The following KAZN variants were observed in gnomAD, a reference collection of about 807,000 sequenced individuals.
The protein encoded by KAZN is kazrin, periplakin interacting protein.
Under a neutral mutation model 87.4 loss-of-function variants are expected in KAZN, and 40 were observed. The ratio of observed to expected loss-of-function variants is 0.46; its 90% CI spans 0.36 to 0.60. The LOEUF is 0.60. Ranked by LOEUF, KAZN falls within the 20% of genes least tolerant of loss-of-function variation. KAZN has a pLI of 0.00. For missense variants in KAZN, 898 were observed against 1,073.9 expected (o/e 0.84, Z 2.29); for synonymous variants, 466 against 458.3 (o/e 1.02, Z -0.22).
intron 1 of KAZN, among the ~76,000 whole-genome samples, chr1:14,050,789 G>A (rs1642295709): frequency 6.6e-6 from 1 of 152,168 alleles, no homozygotes; most frequent in African/African-American, 2.4e-5. Flanking sequence ...CCAGTGCTGA[G>A]GACCCGGCCC....
At chr1:14,311,618 T>C (rs953624767) in intron 2 of KAZN, among the ~76,000 whole-genome samples, 7 of 152,148 alleles carry the variant, frequency 4.6e-5, no homozygotes, top group Admixed American at 3.9e-4. Context: ...TTCTGAGACA[T>C]GACTGACTCT....
In KAZN at chr1:14,612,692, G is replaced by A. The variant is rs1003007744; in HGVS notation, c.226+13469G>A. Among the ~76,000 whole-genome samples, 5 of 152,118 alleles carry A rather than the reference G, an allele frequency of 3.3e-5. No homozygotes were observed. The East Asian group carries it at 5.8e-4, about 18-fold the overall frequency. On this transcript the variant is annotated intron_variant, in intron 1 of 14. Coordinates refer to ENST00000376030, the MANE Select transcript of KAZN (RefSeq NM_201628.3). ...CCAGATAATTCTTTGTTGTGGGGGC[G>A]GGGGTCTGTCCTGTGCATTTTAGGA...
chr1:15,023,151 A>G (rs914701249), intron 2 of KAZN, among the ~76,000 whole-genome samples: 3 of 152,178 alleles, frequency 2.0e-5, no homozygotes, highest in Non-Finnish European at 4.4e-5. Context: ...GGGCAAGGCC[A>G]TGATCACGCT....
intron 1 of KAZN, among the ~76,000 whole-genome samples, chr1:14,081,823 G>T (rs1014410171): frequency 5.3e-5 from 8 of 152,136 alleles, no homozygotes; most frequent in Non-Finnish European, 1.2e-4. Context: ...TCCAATCAAG[G>T]CTTACTGCAG....
chr1:14,707,038 TG>T (rs1359957842), intron 1 of KAZN, among the ~76,000 whole-genome samples: 6 of 152,320 alleles, frequency 3.9e-5, no homozygotes, highest in Admixed American at 2.6e-4. Flanking sequence ...ACAGATGGCT[TG>T]GTGTATTCTA....
intron 1 of KAZN, among the ~76,000 whole-genome samples, chr1:14,774,355 C>T (rs1199577882): frequency 6.6e-6 from 1 of 152,154 alleles, no homozygotes. Flanking sequence ...TCCCAGTGCC[C>T]TGAACATACA....
intron 2 of KAZN, among the ~76,000 whole-genome samples, chr1:14,323,054 T>C (rs1656155575): frequency 6.6e-6 from 1 of 152,058 alleles, no homozygotes; most frequent in African/African-American, 2.4e-5. Flanking sequence ...AACCATTAGA[T>C]CTCATGAGAA....
At chr1:14,085,474 A>G (rs1401474307) in intron 1 of KAZN, among the ~76,000 whole-genome samples, 1 of 152,056 alleles carries the variant, frequency 6.6e-6, no homozygotes, top group Non-Finnish European at 1.5e-5. Context: ...GCTTTCTGTC[A>G]CTATAGTTTT....
chr1:13,920,630 A>G (rs1570280249), intron 1 of KAZN, among the ~76,000 whole-genome samples: 1 of 151,902 alleles, frequency 6.6e-6, no homozygotes. Flanking sequence ...CTTACAAAGG[A>G]TATTTAAGGG....
intron 2 of KAZN, among the ~76,000 whole-genome samples, chr1:14,221,345 CT>C (rs893833947): frequency 1.2e-4 from 19 of 152,120 alleles, no homozygotes; most frequent in Non-Finnish European, 2.5e-4. Flanking sequence ...GTCCCTGCCC[CT>C]GGAGTCTTCT....
chr1:14,914,205 G>T (rs183676892), intron 1 of KAZN, among the ~76,000 whole-genome samples: 5 of 152,354 alleles, frequency 3.3e-5, no homozygotes, highest in Non-Finnish European at 7.3e-5. Context: ...ATGCTCAGGA[G>T]AGATGCTGCT....
chr1:14,083,563 G>A (rs923851919), intron 1 of KAZN, among the ~76,000 whole-genome samples: 1 of 152,224 alleles, frequency 6.6e-6, no homozygotes, highest in Non-Finnish European at 1.5e-5. Context: ...CTATACATAA[G>A]AGCTGATGCT....
At chr1:14,551,204 C>A (rs1003185512) in intron 2 of KAZN, among the ~76,000 whole-genome samples, 8 of 152,158 alleles carry the variant, frequency 5.3e-5, no homozygotes, top group Non-Finnish European at 8.8e-5. Context: ...TTCACTAAAC[C>A]CACCTCTGCA....
chr1:14,394,844 A>G lies in KAZN; in HGVS notation c.250-204139A>G, dbSNP rs369184534. Among the ~76,000 whole-genome samples the G allele has an allele frequency of 3.9e-5, 6 of 152,318 alleles. No homozygotes were observed. In the East Asian group the frequency reaches 7.7e-4, roughly 20 times the overall value. ...CTTACAGATATGGGGACAGTATTGG[A>G]TAAGTTAGACTGATATGCCCAAGGT... On this transcript the variant is annotated intron_variant, in intron 2 of 16. Coordinates refer to the KAZN transcript ENST00000636203.
At chr1:14,627,198 C>T (rs546170114) in intron 1 of KAZN, among the ~76,000 whole-genome samples, 13 of 151,754 alleles carry the variant, frequency 8.6e-5, no homozygotes, top group Non-Finnish European at 1.3e-4. Context: ...CTTCTCAGAG[C>T]GGGAAGGGTG....
At chr1:14,746,002 T>C (rs916360202) in intron 1 of KAZN, among the ~76,000 whole-genome samples, 1 of 152,162 alleles carries the variant, frequency 6.6e-6, no homozygotes, top group African/African-American at 2.4e-5. Flanking sequence ...AAATAAAATA[T>C]AACAGAAGCT....
intron 1 of KAZN, among the ~76,000 whole-genome samples, chr1:14,774,012 C>G (rs1645099467): frequency 1.3e-5 from 2 of 152,226 alleles, no homozygotes; most frequent in South Asian, 4.1e-4. Flanking sequence ...ACCTGAGCTG[C>G]CGCCATTTTC....
intron 1 of KAZN, among the ~76,000 whole-genome samples, chr1:14,804,550 T>C (rs1008773592): frequency 6.6e-6 from 1 of 152,084 alleles, no homozygotes; most frequent in Admixed American, 6.5e-5. Context: ...ACTACCGGAA[T>C]AGGGAGATGG....
rs139273027 is a variant in KAZN at position 13,957,909 on chromosome 1, G to A, written c.91+64153G>A. On this transcript the variant is annotated intron_variant, in intron 1 of 16. Coordinates refer to the KAZN transcript ENST00000636203. The stretch of plus-strand genomic sequence containing the variant: ...AACCACAGCACTTTGTTTCTAATAG[G>A]ACAGGGGTGGCTACTACCAGTAGAA... Among the ~76,000 whole-genome samples, 6 of 152,258 alleles carry A rather than the reference G, an allele frequency of 3.9e-5. No homozygotes were observed. The East Asian group carries it at 9.7e-4, about 25-fold the overall frequency.
Sources: gnomAD v4.1 joint callset for allele counts (sites outside exome capture counted in the v4.1 genomes callset) on GRCh38, gnomAD v4.1.1 for gene constraint, MANE v1.5 for transcripts, NCBI Gene and HGNC (gene_info 2026-07-23, HGNC 2026-07-21) for gene names.